Variants in CMIP observed in about 807,000 individuals in gnomAD.
CMIP encodes the protein C-Maf-inducing protein.
In CMIP, 13 loss-of-function variants were observed where a neutral mutation model predicts 97.3. The ratio of observed to expected loss-of-function variants is 0.13; its 90% CI spans 0.09 to 0.21. The LOEUF is 0.21. Among genes scored for constraint, CMIP ranks in the 10% least tolerant of loss-of-function variants. CMIP has a pLI of 1.00. For missense variants in CMIP, 847 were observed against 1,024.9 expected (o/e 0.83, Z 2.37); for synonymous variants, 538 against 436.3 (o/e 1.23, Z -2.91).
At chr16:81,698,089 C>G (rs1467111217) in intron 14 of CMIP, 1 of 148,208 alleles carries the variant, frequency 6.7e-6, no homozygotes, top group East Asian at 2.0e-4. Context: ...CATTTGTATG[C>G]CAGAGCTGTT....
chr16:81,594,569 A>G (rs2091520276), intron 1 of CMIP, among the ~76,000 whole-genome samples: 1 of 151,832 alleles, frequency 6.6e-6, no homozygotes, highest in African/African-American at 2.4e-5. Context: ...TCCTATATAC[A>G]CTGTGTTTTT....
chr16:81,476,109 T>C lies in CMIP; in HGVS notation c.300+30568T>C. On this transcript the variant is annotated intron_variant, in intron 1 of 20. Transcript: ENST00000537098. ...CCAAAGTGCTCCATGGCCTCCACAG[T>C]CTTCACGTCTTCTTTCACCTTGCCG... is the stretch of plus-strand genomic sequence containing the variant. 3 of 846,082 alleles carry C rather than the reference T, an allele frequency of 3.5e-6. No individual in the cohort carries two copies. In the East Asian group the frequency reaches 7.5e-5, roughly 21 times the overall value. The allele number at this position is 846,082 out of a possible 1,614,324, so 52.4% of individuals were successfully genotyped here.
At chr16:81,569,122 A>G (rs1240166157) in intron 1 of CMIP, among the ~76,000 whole-genome samples, 1 of 152,236 alleles carries the variant, frequency 6.6e-6, no homozygotes, top group African/African-American at 2.4e-5. Context: ...TTCTGGGTGC[A>G]TAATCGCCCT....
intron 1 of CMIP, among the ~76,000 whole-genome samples, chr16:81,590,458 C>A (rs903554612): frequency 7.9e-5 from 12 of 152,186 alleles, no homozygotes; most frequent in African/African-American, 2.9e-4. Flanking sequence ...ACTTCTGGAT[C>A]ATGTCCAGCA....
chr16:81,525,296 A>G (rs574021306), intron 1 of CMIP, among the ~76,000 whole-genome samples: 2 of 151,776 alleles, frequency 1.3e-5, no homozygotes, highest in African/African-American at 4.8e-5. Context: ...GGCACCCGCC[A>G]TTATGCCTGG....
chr16:81,608,929 A>G (rs2091786334), intron 2 of CMIP, among the ~76,000 whole-genome samples: 1 of 152,304 alleles, frequency 6.6e-6, no homozygotes, highest in South Asian at 2.1e-4. Context: ...AACCTATTTT[A>G]GATCTAGCAG....
chr16:81,523,121 T>C (rs2090060310), intron 1 of CMIP, among the ~76,000 whole-genome samples: 1 of 152,132 alleles, frequency 6.6e-6, no homozygotes, highest in Admixed American at 6.6e-5. Context: ...GACTTCGCTA[T>C]GTTGCCCAGA....
chr16:81,487,169 G>A (rs12918867), intron 1 of CMIP, among the ~76,000 whole-genome samples: 1 of 102,710 alleles, frequency 9.7e-6, no homozygotes, highest in African/African-American at 3.2e-5. Context: ...TAGTGAACCG[G>A]GGGGGGTGTG....
intron 1 of CMIP, among the ~76,000 whole-genome samples, chr16:81,470,626 G>A (rs1272309049): frequency 1.3e-5 from 2 of 152,194 alleles, no homozygotes; most frequent in Non-Finnish European, 2.9e-5. Flanking sequence ...ATTTAAAAAA[G>A]CTATTAAAAA....
chr16:81,585,759 C>G (rs1280801077), intron 1 of CMIP, among the ~76,000 whole-genome samples: 2 of 146,190 alleles, frequency 1.4e-5, no homozygotes, highest in Non-Finnish European at 3.1e-5. Flanking sequence ...AGAACCCCAC[C>G]TGTCCTGACC....
chr16:81,559,191 A>G (rs1398207885), intron 1 of CMIP, among the ~76,000 whole-genome samples: 1 of 152,212 alleles, frequency 6.6e-6, no homozygotes, highest in East Asian at 1.9e-4. Flanking sequence ...GGGAACACCA[A>G]GCCTGGCTGA....
At position 81,699,754 on chromosome 16, in the gene CMIP, G is replaced by C; in HGVS notation, c.1708G>C (p.Gly570Arg). 1 of 1,613,644 alleles carries C rather than the reference G, an allele frequency of 6.2e-7. No individual in the cohort carries two copies. The highest frequency in any genetic ancestry group is 1.7e-5 in the Admixed American group (1 of 59,990). Residue 570 changes from glycine to arginine, a missense_variant, in exon 15 of 21, where the codon GGT becomes CGT. Gly to Arg is a moderately radical substitution (Grantham distance 125, BLOSUM62 -2). Around this residue, in one of 4 missense-constraint regions of CMIP, gnomAD observed 266 missense variants for 384.2 expected, o/e 0.69. Transcript: ENST00000537098. ...GCTCTCCCTGGCAGAAAACAAGCTG[G>C]GTCCCTGCATGCTCCTGGCACTGAG... ...FLLSLAENKL[G>R]PCMLLALRGN...
At chr16:81,579,789 C>T (rs1254212825) in intron 1 of CMIP, among the ~76,000 whole-genome samples, 1 of 152,138 alleles carries the variant, frequency 6.6e-6, no homozygotes, top group Non-Finnish European at 1.5e-5. Flanking sequence ...CCCGTCTCTA[C>T]TGAAAAATAC....
chr16:81,629,595 T>G (rs1352857879), intron 3 of CMIP, among the ~76,000 whole-genome samples: 1 of 152,196 alleles, frequency 6.6e-6, no homozygotes, highest in African/African-American at 2.4e-5. Context: ...CACTTCAAGG[T>G]CAGCACCCCC....
chr16:81,450,055 C>T (rs1906113079), intron 1 of CMIP, among the ~76,000 whole-genome samples: 1 of 152,182 alleles, frequency 6.6e-6, no homozygotes, highest in Non-Finnish European at 1.5e-5. Context: ...GATGTGGCGG[C>T]CCTGCCTGCT....
chr16:81,526,907 A>G (rs1194314263), intron 1 of CMIP, among the ~76,000 whole-genome samples: 1 of 152,240 alleles, frequency 6.6e-6, no homozygotes, highest in African/African-American at 2.4e-5. Flanking sequence ...TTGCTTTATA[A>G]TGAGCAGGAA....
intron 3 of CMIP, among the ~76,000 whole-genome samples, chr16:81,636,809 C>A (rs1296601686): frequency 6.6e-6 from 1 of 152,132 alleles, no homozygotes; most frequent in African/African-American, 2.4e-5. Flanking sequence ...CTTCCGTCTC[C>A]AAAGAAGACA....
At chr16:81,582,526 T>C (rs1192330208) in intron 1 of CMIP, among the ~76,000 whole-genome samples, 1 of 152,078 alleles carries the variant, frequency 6.6e-6, no homozygotes, top group Non-Finnish European at 1.5e-5. Flanking sequence ...CCTCTGAGCT[T>C]TGAGTCATCT....
At chr16:81,571,647 A>T (rs1312784746) in intron 1 of CMIP, among the ~76,000 whole-genome samples, 1 of 151,598 alleles carries the variant, frequency 6.6e-6, no homozygotes, top group Non-Finnish European at 1.5e-5. Context: ...CCTTCCAAAG[A>T]GTTGCAGGCT....
Sources: gnomAD v4.1 joint callset for allele counts (sites outside exome capture counted in the v4.1 genomes callset) on GRCh38, gnomAD v4.1.1 for gene constraint, gnomAD v4.1.1 regional missense constraint, MANE v1.5 for transcripts, NCBI Gene and HGNC (gene_info 2026-07-23, HGNC 2026-07-21) for gene names.